The following REG1B variants were observed in gnomAD, a reference collection of about 807,000 sequenced individuals.
REG1B encodes regenerating family member 1 beta, also known as lithostathine-1-beta.
Under a neutral mutation model 20.4 loss-of-function variants are expected in REG1B, and 21 were observed. That is an observed-to-expected ratio of 1.03 (90% confidence interval 0.73 to 1.48). The LOEUF (loss-of-function observed/expected upper bound fraction) is 1.48, where lower values mean the gene tolerates loss of function less well. Ranked by LOEUF, REG1B falls within the 40% of genes most tolerant of loss-of-function variation. The probability of loss-of-function intolerance (pLI) is 0.00; values close to 1 mark genes in which losing one functional copy is unlikely to be tolerated. For missense variants in REG1B, 247 were observed against 197.2 expected (o/e 1.25, Z -1.51); for synonymous variants, 82 against 73.4 (o/e 1.12, Z -0.60).
At position 79,085,293 on chromosome 2, in the gene REG1B, A is replaced by G; in HGVS notation, c.434-10T>C. On this transcript the variant is annotated splice_polypyrimidine_tract_variant and intron_variant, in intron 5 of 5. Coordinates refer to ENST00000305089, the MANE Select transcript of REG1B (RefSeq NM_006507.4). Reference sequence around the variant, plus strand: ...TTCCATTTCTTGAATCCTATGGTACAATGAGAAGTGTCAGACATAGAGGAT... The same window carrying G: ...TTCCATTTCTTGAATCCTATGGTACGATGAGAAGTGTCAGACATAGAGGAT... The G allele has an allele frequency of 1.9e-6, 3 of 1,597,532 alleles. No homozygotes were observed. Among genetic ancestry groups the G allele is most frequent in the Non-Finnish European group, 2.6e-6 (3 of 1,165,000 alleles).
Position 79,085,535 on chromosome 2 carries a change from G to A in REG1B, c.390C>T (p.Ser130=), listed in dbSNP as rs773034964. 1.4e-5 allele frequency: 22 copies of A among 1,613,734 alleles called. No homozygotes were observed. Among genetic ancestry groups the A allele is most frequent in the Admixed American group, 1.2e-4 (7 of 59,952 alleles). Residue 130 remains serine, a synonymous_variant, in exon 5 of 6, where the codon AGC becomes AGT. Transcript: ENST00000305089. The part of the protein sequence containing the change: ...SYKSWDTGSP[S]SANAGYCASL... ...TTGCACAGTAGCCAGCATTAGCACT[G>A]CTCGGGGATCCAGTGTCCCAGGACT...
chr2:79,087,358 T>C, intron 2 of REG1B, 191 bp downstream of exon 2: 1 of 621,202 alleles, frequency 1.6e-6, no homozygotes, highest in Non-Finnish European at 2.9e-6. Context: ...AGTGGTCCTA[T>C]TAAATTCTGT....
At chr2:79,085,991 C>G (rs888099556) in intron 4 of REG1B, 1 of 285,072 alleles carries the variant, frequency 3.5e-6, no homozygotes, top group Non-Finnish European at 6.6e-6. Context: ...GTTTTATACA[C>G]TTGTATAAAA....
chr2:79,086,191 T>C, intron 4 of REG1B, 176 bp downstream of exon 4: 1 of 644,528 alleles, frequency 1.6e-6, no homozygotes, highest in South Asian at 2.1e-5. Context: ...CTTCAGCTCA[T>C]GTCTCTAACT....
chr2:79,085,430 T>C, intron 5 of REG1B, 62 bp downstream of exon 5: 2 of 1,429,694 alleles, frequency 1.4e-6, no homozygotes, highest in Non-Finnish European at 2.0e-6. Context: ...AGTCCCCATG[T>C]TCATCCCCAG....
At chr2:79,086,596 C>T in intron 3 of REG1B, 92 bp from the exon 4 acceptor site, 4 of 1,512,090 alleles carry the variant, frequency 2.6e-6, no homozygotes, top group Non-Finnish European at 1.8e-6. Flanking sequence ...AAAAGGACAG[C>T]ACAGAAATGT....
At position 79,086,936 on chromosome 2, in the gene REG1B, G is replaced by GA. The variant is rs111936697; in HGVS notation, c.65-7dup. On this transcript the variant is annotated splice_polypyrimidine_tract_variant and splice_region_variant and intron_variant, in intron 2 of 5. Transcript: ENST00000305089. ...CTCTGTCTGGGACTCCTGGCCTGGG[G>GA]AAAAAAAAAAGGAGATAATTAAGAA... 0.014 allele frequency: 16,557 copies of GA among 1,142,290 alleles called. No individual in the cohort carries two copies. Among genetic ancestry groups the GA allele is most frequent in the Non-Finnish European group, 0.017 (13,938 of 812,010 alleles). The allele number at this position is 1,142,290 out of a possible 1,614,324, so 70.8% of individuals were successfully genotyped here. A position where few individuals can be genotyped will look rare whatever the true frequency, so the allele number is the denominator to read the frequency against.
Position 79,086,514 on chromosome 2 carries a change from A to G in REG1B, c.184-10T>C, listed in dbSNP as rs555670757. On this transcript the variant is annotated splice_polypyrimidine_tract_variant and intron_variant, in intron 3 of 5. Transcript: ENST00000305089. ...TGTTCTGGCAATAGAGCTGTTGGAG[A>G]AGAAAATGGAGCACTCAGTGGAGAA... 8.4e-5 allele frequency: 135 copies of G among 1,613,046 alleles called. 4 individuals are homozygous for G. In the South Asian group the frequency reaches 1.4e-3, roughly 16 times the overall value.
chr2:79,086,360 G>C lies in REG1B; in HGVS notation c.321+7C>G. On this transcript the variant is annotated splice_region_variant and intron_variant, in intron 4 of 5. Coordinates refer to ENST00000305089, the MANE Select transcript of REG1B (RefSeq NM_006507.4). ...TTATAAGGAGATAGAGGTGGCTGCA[G>C]ACTGACCTTTTTTGGGTCATGGAGG... 3 of 1,613,982 alleles carry C rather than the reference G, an allele frequency of 1.9e-6. No homozygotes were observed. Among genetic ancestry groups the C allele is most frequent in the Non-Finnish European group, 2.5e-6 (3 of 1,179,900 alleles).
At chr2:79,086,998 T>G in intron 2 of REG1B, 68 bp from the exon 3 acceptor site, 16 of 1,282,238 alleles carry the variant, frequency 1.2e-5, no homozygotes, top group Non-Finnish European at 1.8e-5. Context: ...GAAGGTGAAT[T>G]AGGGGCTTCT....
chr2:79,086,489 T>C lies in REG1B; in HGVS notation c.199A>G (p.Met67Val). 6.2e-7 allele frequency: 1 copy of C among 1,613,772 alleles called. No homozygotes were observed. The highest frequency in any genetic ancestry group is 1.1e-5 in the South Asian group (1 of 91,048). The change falls in exon 4 of 6, where the codon ATG becomes GTG. Residue 67 changes from methionine (M) to valine (V), a missense_variant. Met to Val is a conservative substitution (Grantham distance 21, BLOSUM62 1). Transcript: ENST00000305089. ...ACAGACACCAGGTTGCCTGAATTCA[T>C]GTTCTGGCAATAGAGCTGTTGGAGA... The part of the protein sequence containing the change: ...WVDADLYCQN[M>V]NSGNLVSVLT...
At chr2:79,087,112 A>C (rs1672411951) in intron 2 of REG1B, 182 bp from the exon 3 acceptor site, 1 of 604,148 alleles carries the variant, frequency 1.7e-6, no homozygotes, top group East Asian at 2.8e-5. Context: ...CCTCTGCTCA[A>C]GACAAGAGCT....
At chr2:79,085,316 G>T (rs746685244) in intron 5 of REG1B, 33 bp from the exon 6 acceptor site, 1 of 1,531,598 alleles carries the variant, frequency 6.5e-7, no homozygotes, top group Non-Finnish European at 9.0e-7. Flanking sequence ...AGACATAGAG[G>T]ATCAGAAGGA....
At chr2:79,087,359 T>G (rs548139478) in intron 2 of REG1B, 190 bp downstream of exon 2, 1 of 622,512 alleles carries the variant, frequency 1.6e-6, no homozygotes, top group African/African-American at 1.8e-5. Context: ...GTGGTCCTAT[T>G]AAATTCTGTC....
chr2:79,086,344 G>T lies in REG1B; in HGVS notation c.321+23C>A, dbSNP rs1434018006. Reference sequence around the variant, plus strand: ...TACCTCTCAAAAATGTTTATAAGGAGATAGAGGTGGCTGCAGACTGACCTT... The same window carrying T: ...TACCTCTCAAAAATGTTTATAAGGATATAGAGGTGGCTGCAGACTGACCTT... On this transcript the variant is annotated intron_variant, in intron 4 of 5. Coordinates refer to ENST00000305089, the MANE Select transcript of REG1B (RefSeq NM_006507.4). 6 of 1,613,584 alleles carry T rather than the reference G, an allele frequency of 3.7e-6. No individual in the cohort carries two copies. The South Asian group carries it at 4.4e-5, about 12-fold the overall frequency.
At chr2:79,085,908 A>G (rs142826813) in intron 4 of REG1B, 5 of 273,450 alleles carry the variant, frequency 1.8e-5, no homozygotes, top group Non-Finnish European at 2.8e-5. Flanking sequence ...CATATCCAGC[A>G]TAACATTGGC....
At position 79,086,607 on chromosome 2, in the gene REG1B, C is replaced by A. The variant is rs929371119; in HGVS notation, c.184-103G>T. 2.2e-5 allele frequency: 32 copies of A among 1,457,336 alleles called. No individual in the cohort carries two copies. The African/African-American group carries it at 2.5e-4, about 11-fold the overall frequency. 90.3% of individuals were successfully genotyped at this position (1,457,336 alleles called of 1,614,324 possible). A position where few individuals can be genotyped will look rare whatever the true frequency, so the allele number is the denominator to read the frequency against. ...CAGAAAAAGGACAGCACAGAAATGT[C>A]CCTGATGATGCTGTCACTGACCACC... On this transcript the variant is annotated intron_variant, in intron 3 of 5. Coordinates refer to ENST00000305089, the MANE Select transcript of REG1B (RefSeq NM_006507.4).
At position 79,087,426 on chromosome 2, in the gene REG1B, A is replaced by G. The variant is rs1207045229; in HGVS notation, c.64+123T>C. The G allele has an allele frequency of 4.4e-6, 4 of 910,248 alleles. No homozygotes were observed. In the African/African-American group the frequency reaches 6.7e-5, roughly 15 times the overall value. 56.4% of individuals were successfully genotyped at this position (910,248 alleles called of 1,614,324 possible). On this transcript the variant is annotated intron_variant, in intron 2 of 5. Transcript: ENST00000305089. Reference sequence around the variant, plus strand: ...GAATGGGATAAAATCAGCCATAATGATCACTGAACAACATAAAAAAACCCT... The same window carrying G: ...GAATGGGATAAAATCAGCCATAATGGTCACTGAACAACATAAAAAAACCCT...
chr2:79,087,921 C>T, intron 1 of REG1B, 38 bp downstream of exon 1: 1 of 276,776 alleles, frequency 3.6e-6, no homozygotes, highest in Non-Finnish European at 6.8e-6. Flanking sequence ...GAGAAAATCC[C>T]ACGTTAGACA....
Sources: gnomAD v4.1 joint callset for allele counts on GRCh38, gnomAD v4.1.1 for gene constraint, MANE v1.5 for transcripts, NCBI Gene and HGNC (gene_info 2026-07-23, HGNC 2026-07-21) for gene names.